Variants in MACROD2 observed in about 807,000 individuals in gnomAD.
MACROD2 encodes ADP-ribose glycohydrolase MACROD2.
In MACROD2, 36 loss-of-function variants were observed where a neutral mutation model predicts 70.4. The observed-to-expected ratio is 0.51, with a 90% CI of 0.39 to 0.68. The LOEUF (loss-of-function observed/expected upper bound fraction) is 0.68, where lower values mean the gene tolerates loss of function less well. Among genes scored for constraint, MACROD2 ranks in the 30% least tolerant of loss-of-function variants. The pLI is 0.00. For missense variants in MACROD2, 496 were observed against 538.4 expected, an observed-to-expected ratio of 0.92 and a Z score of 0.78; for synonymous variants, 172 against 178.8, an observed-to-expected ratio of 0.96 and a Z score of 0.30.
At chr20:15,365,481 G>T (rs1600299523) in intron 6 of MACROD2, among the ~76,000 whole-genome samples, 1 of 152,026 alleles carries the variant, frequency 6.6e-6, no homozygotes, top group Non-Finnish European at 1.5e-5. Flanking sequence ...CTGGCTAACA[G>T]GATGAAACCC....
At chr20:14,661,495 A>G (rs1248397462) in intron 4 of MACROD2, among the ~76,000 whole-genome samples, 4 of 151,964 alleles carry the variant, frequency 2.6e-5, no homozygotes, top group Non-Finnish European at 5.9e-5. Context: ...CTCCCATTCT[A>G]TAGGTTGTCT....
chr20:15,346,440 A>C (rs1231193554), intron 6 of MACROD2, among the ~76,000 whole-genome samples: 1 of 152,116 alleles, frequency 6.6e-6, no homozygotes, highest in South Asian at 2.1e-4. Context: ...AGATAAAGGA[A>C]CTTATTCTCA....
chr20:14,832,732 G>T (rs972190663), intron 5 of MACROD2, among the ~76,000 whole-genome samples: 7 of 152,212 alleles, frequency 4.6e-5, no homozygotes, highest in Admixed American at 3.9e-4. Context: ...CTTAATTTCA[G>T]TTCCCTCACA....
chr20:14,155,490 C>T (rs1197989567), intron 3 of MACROD2, among the ~76,000 whole-genome samples: 2 of 152,140 alleles, frequency 1.3e-5, no homozygotes, highest in Non-Finnish European at 2.9e-5. Context: ...TCAAAACTTA[C>T]TTTTTTGCCT....
intron 10 of MACROD2, among the ~76,000 whole-genome samples, chr20:15,906,296 T>C (rs1184707201): frequency 1.3e-5 from 2 of 152,238 alleles, no homozygotes; most frequent in Admixed American, 6.5e-5. Context: ...CTAGATGCAA[T>C]GCATCTTTGG....
intron 15 of MACROD2, among the ~76,000 whole-genome samples, chr20:16,033,384 T>A (rs1040405755): frequency 3.9e-5 from 6 of 152,108 alleles, no homozygotes; most frequent in Non-Finnish European, 8.8e-5. Flanking sequence ...TCATTTAACT[T>A]TTTAAATTAA....
chr20:15,768,416 T>TA (rs1364926992), intron 8 of MACROD2, among the ~76,000 whole-genome samples: 4 of 152,128 alleles, frequency 2.6e-5, no homozygotes, highest in Non-Finnish European at 1.5e-5. Context: ...AAAGATACTG[T>TA]AAAAATATGA....
At chr20:14,808,473 C>T (rs937259962) in intron 5 of MACROD2, among the ~76,000 whole-genome samples, 2 of 151,896 alleles carry the variant, frequency 1.3e-5, no homozygotes, top group African/African-American at 4.8e-5. Context: ...CCAGCCACTG[C>T]AAAAACAACC....
At chr20:15,490,517 T>A (rs1665330666) in intron 7 of MACROD2, among the ~76,000 whole-genome samples, 1 of 152,028 alleles carries the variant, frequency 6.6e-6, no homozygotes, top group Admixed American at 6.6e-5. Flanking sequence ...TGCCAAAACA[T>A]CCCCAAATGC....
At chr20:14,770,033 A>G (rs2123768029) in intron 5 of MACROD2, among the ~76,000 whole-genome samples, 1 of 152,162 alleles carries the variant, frequency 6.6e-6, no homozygotes, top group East Asian at 1.9e-4. Context: ...GAAATTCTAA[A>G]TAAAAGAAAA....
intron 5 of MACROD2, among the ~76,000 whole-genome samples, chr20:15,156,691 G>A (rs765372205): frequency 2.0e-5 from 3 of 152,104 alleles, no homozygotes; most frequent in Non-Finnish European, 4.4e-5. Context: ...CCAGGAGAGG[G>A]GAATAGAGTG....
At chr20:15,982,772 A>T (rs980498677) in intron 13 of MACROD2, among the ~76,000 whole-genome samples, 1 of 152,210 alleles carries the variant, frequency 6.6e-6, no homozygotes, top group African/African-American at 2.4e-5. Context: ...TTCATTAGCT[A>T]ATGGTGTCCT....
At chr20:15,100,765 C>A (rs1352075048) in intron 5 of MACROD2, among the ~76,000 whole-genome samples, 1 of 152,114 alleles carries the variant, frequency 6.6e-6, no homozygotes, top group African/African-American at 2.4e-5. Flanking sequence ...AAAGCAAATG[C>A]TGACTCATTA....
chr20:15,073,499 A>G (rs1198063238), intron 5 of MACROD2, among the ~76,000 whole-genome samples: 1 of 151,258 alleles, frequency 6.6e-6, no homozygotes, highest in Non-Finnish European at 1.5e-5. Context: ...ACACACACAC[A>G]CACACACACA....
chr20:15,565,199 C>T (rs1308567848), intron 8 of MACROD2, among the ~76,000 whole-genome samples: 2 of 152,180 alleles, frequency 1.3e-5, no homozygotes, highest in Non-Finnish European at 2.9e-5. Flanking sequence ...AACTAACTTG[C>T]ATCTTACAGA....
chr20:14,926,184 GTTTT>G lies in MACROD2; in HGVS notation c.418+241228_418+241231del, dbSNP rs1250392239. 5.3e-5 allele frequency among the ~76,000 whole-genome samples: 8 copies of G among 151,876 alleles called. No individual in the cohort carries two copies. In the East Asian group the frequency reaches 1.5e-3, roughly 29 times the overall value. ...GCAGAGTTTGTTTGTTTGTTTGTTTGTTTTTTAATAGCTAGGGCATTATTTAAAC... is the reference window on the plus strand; with the variant it reads ...GCAGAGTTTGTTTGTTTGTTTGTTTGTTAATAGCTAGGGCATTATTTAAAC... On this transcript the variant is annotated intron_variant, in intron 5 of 17. Coordinates refer to ENST00000684519, the MANE Select transcript of MACROD2 (RefSeq NM_001351661.2).
intron 4 of MACROD2, among the ~76,000 whole-genome samples, chr20:14,626,269 A>AC (rs1984153160): frequency 6.6e-6 from 1 of 152,042 alleles, no homozygotes; most frequent in African/African-American, 2.4e-5. Context: ...AGCCTGAGAA[A>AC]CCCATGGCAC....
chr20:14,084,994 G>A (rs182640323), intron 2 of MACROD2, among the ~76,000 whole-genome samples: 1 of 138,582 alleles, frequency 7.2e-6, no homozygotes, highest in Admixed American at 7.8e-5. Context: ...ATGGCATGGT[G>A]GCTCATGCCT....
In MACROD2 at chr20:15,806,009, G is replaced by A. The variant is rs148219616; in HGVS notation, c.646-56736G>A. 8.5e-5 allele frequency among the ~76,000 whole-genome samples: 13 copies of A among 152,290 alleles called. No homozygotes were observed. In the East Asian group the frequency reaches 2.5e-3, roughly 29 times the overall value. ...CCTGAAGCAACCTTACAGTTCATCA[G>A]AATAGGGCTCATTTCTCCAAAAGAA... On this transcript the variant is annotated intron_variant, in intron 8 of 17. Coordinates refer to ENST00000684519, the MANE Select transcript of MACROD2 (RefSeq NM_001351661.2).
Sources: allele counts gnomAD v4.1 joint callset (sites outside exome capture counted in the v4.1 genomes callset), GRCh38; gene constraint gnomAD v4.1.1; transcripts MANE v1.5; gene names NCBI Gene and HGNC (gene_info 2026-07-23, HGNC 2026-07-21).